The following NELL1 variants were observed in gnomAD, a reference collection of about 807,000 sequenced individuals.
NELL1 encodes neural EGFL like 1.
Under a neutral mutation model 107.4 loss-of-function variants are expected in NELL1, and 76 were observed. The observed-to-expected ratio is 0.71, with a 90% confidence interval of 0.59 to 0.86. NELL1 has a LOEUF of 0.86. NELL1 is among the 40% of genes least tolerant of loss of function. NELL1 has a pLI of 0.00. For synonymous variants in NELL1, 353 were observed against 341.2 expected, an observed-to-expected ratio of 1.03 and a Z score of -0.38; for missense variants, 1,024 against 1,005.5, an observed-to-expected ratio of 1.02 and a Z score of -0.25.
intron 14 of NELL1, among the ~76,000 whole-genome samples, chr11:21,251,407 A>G (rs1407781477): frequency 6.6e-6 from 1 of 152,136 alleles, no homozygotes; most frequent in East Asian, 1.9e-4. Context: ...CAAATATGCA[A>G]TTGAAGATCC....
intron 12 of NELL1, among the ~76,000 whole-genome samples, chr11:21,045,264 A>G (rs1853328425): frequency 6.6e-6 from 1 of 152,128 alleles, no homozygotes; most frequent in Non-Finnish European, 1.5e-5. Flanking sequence ...GGTTGGAGCT[A>G]GCACAGTTTC....
chr11:21,428,971 T>C (rs934867224), intron 15 of NELL1, among the ~76,000 whole-genome samples: 1 of 152,200 alleles, frequency 6.6e-6, no homozygotes, highest in African/African-American at 2.4e-5. Context: ...TGGGTAGTAA[T>C]GGCCTGATAG....
At chr11:21,003,794 A>G (rs1173713070) in intron 12 of NELL1, among the ~76,000 whole-genome samples, 1 of 151,874 alleles carries the variant, frequency 6.6e-6, no homozygotes, top group East Asian at 1.9e-4. Context: ...TTTTTATTTT[A>G]TTATTATTAT....
chr11:20,707,341 C>A (rs938515786), intron 2 of NELL1, among the ~76,000 whole-genome samples: 1 of 146,976 alleles, frequency 6.8e-6, no homozygotes, highest in Non-Finnish European at 1.5e-5. Context: ...TTGTTATTAC[C>A]AATCGTCTGA....
chr11:21,014,717 C>CA (rs1317243327), intron 12 of NELL1, among the ~76,000 whole-genome samples: 1 of 151,854 alleles, frequency 6.6e-6, no homozygotes, highest in African/African-American at 2.4e-5. Context: ...GTTAGCTGCC[C>CA]AATAATGTTG....
chr11:21,104,138 G>A (rs544992683), intron 12 of NELL1, among the ~76,000 whole-genome samples: 1 of 152,234 alleles, frequency 6.6e-6, no homozygotes, highest in East Asian at 1.9e-4. Context: ...GACCTTTTTG[G>A]AAGCACTCAC....
intron 12 of NELL1, among the ~76,000 whole-genome samples, chr11:21,038,448 C>T (rs1482644155): frequency 6.6e-6 from 1 of 152,060 alleles, no homozygotes; most frequent in East Asian, 1.9e-4. Context: ...CTATATGATA[C>T]AGAAACAGAA....
chr11:20,911,006 T>C (rs572544439), intron 5 of NELL1, among the ~76,000 whole-genome samples: 3 of 152,352 alleles, frequency 2.0e-5, no homozygotes, highest in Admixed American at 6.5e-5. Context: ...TGTTTAACTG[T>C]ATACTGTAGA....
At chr11:21,422,315 G>A (rs1010489177) in intron 15 of NELL1, among the ~76,000 whole-genome samples, 3 of 151,990 alleles carry the variant, frequency 2.0e-5, no homozygotes, top group Admixed American at 2.0e-4. Context: ...AAATATATGG[G>A]CAATTATAAA....
intron 10 of NELL1, among the ~76,000 whole-genome samples, chr11:20,939,961 G>T (rs761518190): frequency 1.3e-5 from 2 of 152,124 alleles, no homozygotes; most frequent in African/African-American, 4.8e-5. Flanking sequence ...TGGTTGCATG[G>T]GTTGAATGGG....
At chr11:21,462,902 C>T (rs1159221793) in intron 15 of NELL1, among the ~76,000 whole-genome samples, 1 of 151,940 alleles carries the variant, frequency 6.6e-6, no homozygotes, top group East Asian at 1.9e-4. Flanking sequence ...GCCAGAAGCA[C>T]CTGTGTTTGA....
rs75970462 is a variant in NELL1, at chr11:20,811,181, C to T, written c.335+27351C>T. On this transcript the variant is annotated intron_variant, in intron 3 of 19. Transcript: ENST00000357134. Reference sequence around the variant, plus strand: ...AGTTATTGTATACGTTAAGAAATAACGGTCTAATTTTATTATTTTGCATTT... The same window carrying T: ...AGTTATTGTATACGTTAAGAAATAATGGTCTAATTTTATTATTTTGCATTT... Among the ~76,000 whole-genome samples, 278 of 152,214 alleles carry T rather than the reference C, an allele frequency of 1.8e-3. 1 individual carries two copies. Among genetic ancestry groups the T allele is most frequent in the African/African-American group, 6.4e-3 (264 of 41,536 alleles).
Position 20,757,860 on chromosome 11 carries a change from G to T in NELL1, c.185-25820G>T, listed in dbSNP as rs769893616. ...TAACATGCTGTCTTAGTCAGCTTAG[G>T]CTGCCATAACAAATCATAGAACTTG... On this transcript the variant is annotated intron_variant, in intron 2 of 19. Coordinates refer to ENST00000357134, the MANE Select transcript of NELL1 (RefSeq NM_006157.5). Among the ~76,000 whole-genome samples the T allele has an allele frequency of 1.1e-4, 17 of 152,200 alleles. No individual in the cohort carries two copies. The South Asian group carries it at 2.5e-3, about 22-fold the overall frequency.
At chr11:20,890,344 A>G (rs1430886441) in intron 5 of NELL1, among the ~76,000 whole-genome samples, 1 of 152,118 alleles carries the variant, frequency 6.6e-6, no homozygotes, top group Non-Finnish European at 1.5e-5. Context: ...CCCCCACAAA[A>G]ACCCCATCCA....
intron 13 of NELL1, among the ~76,000 whole-genome samples, chr11:21,130,130 A>G (rs149788548): frequency 1.2e-3 from 186 of 152,268 alleles, no homozygotes; most frequent in African/African-American, 4.2e-3. Flanking sequence ...AGTTTATGGA[A>G]TAAAATTTCA....
chr11:21,311,174 G>A (rs906334137), intron 14 of NELL1, among the ~76,000 whole-genome samples: 1 of 152,074 alleles, frequency 6.6e-6, no homozygotes, highest in Non-Finnish European at 1.5e-5. Context: ...AAAATTAAAT[G>A]TTGCATTGCA....
chr11:20,722,019 C>CTTTTT (rs34558225), intron 2 of NELL1, among the ~76,000 whole-genome samples: 3 of 26,014 alleles, frequency 1.2e-4, no homozygotes, highest in African/African-American at 1.7e-4. Context: ...CTGAGTCTCT[C>CTTTTT]TTTTTTTTTT....
At chr11:20,954,300 C>T (rs1225650093) in intron 11 of NELL1, among the ~76,000 whole-genome samples, 1 of 152,180 alleles carries the variant, frequency 6.6e-6, no homozygotes, top group Non-Finnish European at 1.5e-5. Flanking sequence ...TGGGGTTCTC[C>T]AAACTTACTC....
intron 12 of NELL1, among the ~76,000 whole-genome samples, chr11:21,104,467 T>C (rs1854898527): frequency 6.6e-6 from 1 of 152,114 alleles, no homozygotes; most frequent in African/African-American, 2.4e-5. Flanking sequence ...CAAGGGGAAA[T>C]AAAAATGACT....
Sources: gnomAD v4.1 joint callset for allele counts (sites outside exome capture counted in the v4.1 genomes callset) on GRCh38, gnomAD v4.1.1 for gene constraint, MANE v1.5 for transcripts, NCBI Gene and HGNC (gene_info 2026-07-23, HGNC 2026-07-21) for gene names.